Variants in ADORA2A observed in about 807,000 individuals in gnomAD.
ADORA2A encodes the protein adenosine receptor A2a.
A neutral mutation model predicts 18.4 loss-of-function variants in ADORA2A; 11 were observed. The ratio of observed to expected loss-of-function variants is 0.60; its 90% CI spans 0.38 to 0.99. The LOEUF is 0.99. Ranked by LOEUF, ADORA2A falls within the 50% of genes least tolerant of loss-of-function variation. The pLI, the probability that ADORA2A is intolerant of heterozygous loss-of-function variation, is 0.01. For missense variants in ADORA2A, 449 were observed against 556.1 expected, an observed-to-expected ratio of 0.81 and a Z score of 1.94; for synonymous variants, 218 against 237.3, an observed-to-expected ratio of 0.92 and a Z score of 0.75.
At chr22:24,436,097 AT>A (rs1323451703) in intron 2 of ADORA2A, among the ~76,000 whole-genome samples, 1 of 152,134 alleles carries the variant, frequency 6.6e-6, no homozygotes, top group Non-Finnish European at 1.5e-5. Flanking sequence ...CCTGATGTGG[AT>A]GGACTCCAGG....
At chr22:24,436,915 G>A (rs1273093320) in intron 2 of ADORA2A, among the ~76,000 whole-genome samples, 3 of 152,176 alleles carry the variant, frequency 2.0e-5, no homozygotes, top group Non-Finnish European at 4.4e-5. Flanking sequence ...AGGGTGGCCT[G>A]GCTGCCTAGT....
At chr22:24,425,951 C>A (rs181558897), upstream of ADORA2A, among the ~76,000 whole-genome samples, 55 of 152,220 alleles carry the variant, frequency 3.6e-4, 2 homozygotes, top group South Asian at 0.011. Context: ...ACCAGAGGGC[C>A]GGTGAGGGGT....
upstream of ADORA2A, among the ~76,000 whole-genome samples, chr22:24,424,195 A>G (rs937821837): frequency 7.9e-5 from 12 of 151,770 alleles, no homozygotes; most frequent in Non-Finnish European, 1.3e-4. This position sits in a 1 kb window ranked among gnomAD's most constrained non-coding sequence, Gnocchi z 4.9. Flanking sequence ...CTGCCTGTGA[A>G]GGGCCCAGGC....
chr22:24,440,181 C>T (rs765716467), intron 2 of ADORA2A, among the ~76,000 whole-genome samples: 5 of 152,148 alleles, frequency 3.3e-5, no homozygotes, highest in East Asian at 3.9e-4. Context: ...GTTAAGGCTG[C>T]GACCAACATG....
chr22:24,435,321 G>A (rs2043147769), intron 2 of ADORA2A, among the ~76,000 whole-genome samples: 1 of 152,220 alleles, frequency 6.6e-6, no homozygotes, highest in Non-Finnish European at 1.5e-5. Flanking sequence ...CAGGTGCCCA[G>A]GTGGGCCAGA....
chr22:24,426,658 G>T, upstream of ADORA2A, among the ~76,000 whole-genome samples: 1 of 152,282 alleles, frequency 6.6e-6, no homozygotes, highest in East Asian at 1.9e-4. Flanking sequence ...GCAGTTTCAT[G>T]GCGGAGGAGG....
At chr22:24,428,926 G>A (rs1273485731) in intron 1 of ADORA2A, among the ~76,000 whole-genome samples, 1 of 152,230 alleles carries the variant, frequency 6.6e-6, no homozygotes, top group Non-Finnish European at 1.5e-5. Context: ...GCCTGGTGGA[G>A]GTACTTGGTA....
upstream of ADORA2A, among the ~76,000 whole-genome samples, chr22:24,425,450 T>C (rs2042908895): frequency 6.6e-6 from 1 of 151,406 alleles, no homozygotes; most frequent in Admixed American, 6.6e-5. Flanking sequence ...TTTTGGGGTC[T>C]CCCAGCCTCT....
intron 2 of ADORA2A, chr22:24,439,221 T>C (rs1473939862): frequency 6.6e-6 from 1 of 151,774 alleles, no homozygotes; most frequent in Non-Finnish European, 1.5e-5. Context: ...TAGCTGGGAT[T>C]ACAGGCCCCC....
upstream of ADORA2A, among the ~76,000 whole-genome samples, chr22:24,425,347 C>CAA (rs1568940809): frequency 7.3e-6 from 1 of 136,814 alleles, no homozygotes; most frequent in African/African-American, 2.7e-5. Context: ...ACCCCCCCCC[C>CAA]CCCCGCCCAA....
chr22:24,431,226 T>A (rs1190966051), intron 1 of ADORA2A: 1 of 456,808 alleles, frequency 2.2e-6, no homozygotes, highest in Admixed American at 2.3e-5. Context: ...CTCCAGCTGC[T>A]GCAGGCCCTC....
At chr22:24,424,985 T>G (rs1415521219), upstream of ADORA2A, among the ~76,000 whole-genome samples, 1 of 151,966 alleles carries the variant, frequency 6.6e-6, no homozygotes, top group Non-Finnish European at 1.5e-5. The surrounding 1 kb of genome is among the most constrained non-coding windows in gnomAD (Gnocchi z 4.9). Flanking sequence ...TGGCCCTTGT[T>G]GGAGGGTGAG....
At position 24,441,311 on chromosome 22, in the gene ADORA2A, C is replaced by G. The variant is rs779551375; in HGVS notation, c.1061C>G (p.Pro354Arg). ...TGGGCCAACGGCAGTGCTCCCCACC[C>G]TGAGCGGAGGCCCAATGGCTATGCC... is the stretch of plus-strand genomic sequence containing the variant. ...GVWANGSAPH[P>R]ERRPNGYALG... The change falls in exon 3 of 3, where the codon CCT becomes CGT. Residue 354 changes from proline (P) to arginine (R), a missense_variant. Physicochemically the swap from Pro to Arg is moderately radical, Grantham distance 103. Transcript: ENST00000337539. 1 of 1,607,694 alleles carries G rather than the reference C, an allele frequency of 6.2e-7. No individual in the cohort carries two copies. The highest frequency in any genetic ancestry group is 1.7e-5 in the Admixed American group (1 of 59,696).
In ADORA2A at chr22:24,441,443, C is replaced by T. The variant is rs2043341532; in HGVS notation, c.1193C>T (p.Pro398Leu). The T allele has an allele frequency of 1.3e-6, 2 of 1,522,030 alleles. No homozygotes were observed. The highest frequency in any genetic ancestry group is 8.8e-7 in the Non-Finnish European group (1 of 1,137,238). 94.3% of individuals were successfully genotyped at this position (1,522,030 alleles called of 1,614,324 possible). Residue 398 changes from proline to leucine, a missense_variant, in exon 3 of 3, where the codon CCT becomes CTT. Pro to Leu is a moderately conservative substitution (Grantham distance 98). Coordinates refer to ENST00000337539, the MANE Select transcript of ADORA2A (RefSeq NM_000675.6). ...HELKGVCPEP[P>L]GLDDPLAQDG... ...CTCAAGGGAGTGTGCCCAGAGCCCC[C>T]TGGCCTAGATGACCCCCTGGCCCAG...
Position 24,441,469 on chromosome 22 carries a change from G to A in ADORA2A, c.1219G>A (p.Asp407Asn), listed in dbSNP as rs1176909380. The A allele has an allele frequency of 1.3e-6, 2 of 1,517,628 alleles. No individual in the cohort carries two copies. The highest frequency in any genetic ancestry group is 2.8e-5 in the African/African-American group (2 of 71,722). The allele number at this position is 1,517,628 out of a possible 1,614,324, so 94.0% of individuals were successfully genotyped here. A position where few individuals can be genotyped will look rare whatever the true frequency, so the allele number is the denominator to read the frequency against. The change falls in exon 3 of 3, where the codon GAT becomes AAT. Residue 407 changes from aspartate to asparagine, a missense_variant. By Grantham distance (23) the Asp-to-Asn change is conservative. Transcript: ENST00000337539. ...PPGLDDPLAQ[D>N]GAGVS is the part of the protein sequence containing the mutation. The stretch of plus-strand genomic sequence containing the variant: ...TGGCCTAGATGACCCCCTGGCCCAG[G>A]ATGGAGCAGGAGTGTCCTGATGATT...
At chr22:24,436,419 G>T (rs1355683465) in intron 2 of ADORA2A, among the ~76,000 whole-genome samples, 1 of 152,078 alleles carries the variant, frequency 6.6e-6, no homozygotes, top group East Asian at 1.9e-4. Context: ...TTAAAAAAAA[G>T]AACTCAGTTT....
At chr22:24,423,641 C>T (rs2146852832), upstream of ADORA2A, 2 of 152,736 alleles carry the variant, frequency 1.3e-5, no homozygotes, top group Admixed American at 1.3e-4. Context: ...GAGTGTGGCG[C>T]TGAGGAAGCG....
intron 2 of ADORA2A, among the ~76,000 whole-genome samples, chr22:24,434,433 C>A (rs80355897): frequency 0.019 from 2,901 of 152,306 alleles, 38 homozygotes; most frequent in African/African-American, 0.03. Context: ...TGACTTCAGC[C>A]AAGTAATTGT....
chr22:24,426,856 TCTC>T (rs1180703126), upstream of ADORA2A, among the ~76,000 whole-genome samples: 2 of 152,092 alleles, frequency 1.3e-5, no homozygotes. Flanking sequence ...CCCTTCACCT[TCTC>T]CTCCAAGTCT....
Sources: gnomAD v4.1 joint callset for allele counts (sites outside exome capture counted in the v4.1 genomes callset) on GRCh38, gnomAD v4.1.1 for gene constraint, Gnocchi (gnomAD v3.1) non-coding constraint, MANE v1.5 for transcripts, NCBI Gene and HGNC (gene_info 2026-07-23, HGNC 2026-07-21) for gene names.